The following CFAP299 variants were observed in gnomAD, a reference collection of about 807,000 sequenced individuals.
CFAP299 encodes the protein cilia and flagella associated protein 299.
CFAP299 carries 21 observed loss-of-function variants against 27.0 expected under a neutral mutation model. The observed-to-expected ratio is 0.78, with a 90% CI of 0.55 to 1.12. The LOEUF (loss-of-function observed/expected upper bound fraction) is 1.12. Among genes scored for constraint, CFAP299 ranks in the 50% most tolerant of loss-of-function variants. The pLI, the probability that CFAP299 is intolerant of heterozygous loss-of-function variation, is 0.00. For synonymous variants in CFAP299, 104 were observed against 98.1 expected (o/e 1.06, Z -0.36); for missense variants, 310 against 276.6 (o/e 1.12, Z -0.86).
At chr4:80,496,900 A>C (rs1319162759) in intron 2 of CFAP299, among the ~76,000 whole-genome samples, 1 of 152,140 alleles carries the variant, frequency 6.6e-6, no homozygotes, top group Non-Finnish European at 1.5e-5. Flanking sequence ...ATGTACGTGC[A>C]AGAGAGATGG....
chr4:80,489,517 C>T (rs920181270), intron 2 of CFAP299, among the ~76,000 whole-genome samples: 3 of 152,146 alleles, frequency 2.0e-5, no homozygotes, highest in Non-Finnish European at 4.4e-5. Context: ...AAAAATAGCC[C>T]TTCCTCTATC....
chr4:80,891,647 G>T (rs1033787550), intron 4 of CFAP299, among the ~76,000 whole-genome samples: 1 of 113,282 alleles, frequency 8.8e-6, no homozygotes, highest in Non-Finnish European at 1.8e-5. Context: ...GATAGCATTG[G>T]GAGATATACC....
intron 2 of CFAP299, among the ~76,000 whole-genome samples, chr4:80,409,482 CA>C (rs1320038215): frequency 6.6e-6 from 1 of 152,096 alleles, no homozygotes; most frequent in Non-Finnish European, 1.5e-5. Flanking sequence ...ATTGTTTGCT[CA>C]TAAAACACTC....
chr4:80,895,143 T>C (rs1239384280), intron 4 of CFAP299, among the ~76,000 whole-genome samples: 1 of 150,468 alleles, frequency 6.6e-6, no homozygotes, highest in Non-Finnish European at 1.5e-5. Context: ...TGAAATTTGC[T>C]CAGATAATAG....
At chr4:80,339,798 TC>T (rs1722350905) in intron 1 of CFAP299, among the ~76,000 whole-genome samples, 1 of 152,222 alleles carries the variant, frequency 6.6e-6, no homozygotes, top group African/African-American at 2.4e-5. Flanking sequence ...TAGTAATTCT[TC>T]TATTTAAATA....
At chr4:80,712,998 G>A (rs1722262139) in intron 3 of CFAP299, among the ~76,000 whole-genome samples, 1 of 152,054 alleles carries the variant, frequency 6.6e-6, no homozygotes, top group African/African-American at 2.4e-5. Flanking sequence ...GTCAAGCAGT[G>A]TGCTGGGTGC....
intron 2 of CFAP299, among the ~76,000 whole-genome samples, chr4:80,450,142 A>T (rs1262411167): frequency 1.3e-5 from 2 of 152,192 alleles, no homozygotes; most frequent in Non-Finnish European, 1.5e-5. Context: ...TCAGTGGAGG[A>T]TTAATGACTA....
intron 2 of CFAP299, among the ~76,000 whole-genome samples, chr4:80,410,571 C>A (rs1445609902): frequency 6.6e-6 from 1 of 152,058 alleles, no homozygotes. Flanking sequence ...TGACTAGATC[C>A]GGGAAGAGAA....
chr4:80,398,288 G>A (rs912771710), intron 2 of CFAP299, among the ~76,000 whole-genome samples: 30 of 152,010 alleles, frequency 2.0e-4, no homozygotes, highest in Non-Finnish European at 3.8e-4. Context: ...ATTCAATGCT[G>A]TCCCCATCAA....
At chr4:80,696,103 C>T (rs1388480844) in intron 3 of CFAP299, among the ~76,000 whole-genome samples, 1 of 151,886 alleles carries the variant, frequency 6.6e-6, no homozygotes, top group African/African-American at 2.4e-5. Flanking sequence ...CATTTGAGAC[C>T]AGCCTGGCTA....
intron 4 of CFAP299, among the ~76,000 whole-genome samples, chr4:80,944,166 A>G (rs980696338): frequency 1.3e-5 from 2 of 152,192 alleles, no homozygotes; most frequent in East Asian, 3.8e-4. Context: ...TGAAACATAC[A>G]AATTTGGATT....
chr4:80,410,642 TC>T (rs1171150388), intron 2 of CFAP299, among the ~76,000 whole-genome samples: 1 of 152,218 alleles, frequency 6.6e-6, no homozygotes, highest in Non-Finnish European at 1.5e-5. Flanking sequence ...CTCTAAACTT[TC>T]TGAATCAGCA....
chr4:80,676,121 A>C (rs376301889), intron 3 of CFAP299, among the ~76,000 whole-genome samples: 12 of 152,304 alleles, frequency 7.9e-5, no homozygotes, highest in African/African-American at 2.9e-4. Flanking sequence ...TTCTGCATCA[A>C]TCACACTGGG....
intron 2 of CFAP299, among the ~76,000 whole-genome samples, chr4:80,484,888 A>T (rs568594875): frequency 1.3e-5 from 2 of 152,338 alleles, no homozygotes; most frequent in East Asian, 3.9e-4. Flanking sequence ...GAAATGCCCC[A>T]GATGATGAGA....
rs1245985366 is a variant in CFAP299, at chr4:80,800,530, T to TAA, written c.334-69463_334-69462insAA. Among the ~76,000 whole-genome samples the TAA allele has an allele frequency of 2.3e-3, 31 of 13,246 alleles. 2 individuals are homozygous for TAA. Among genetic ancestry groups the TAA allele is most frequent in the Admixed American group, 6.0e-3 (4 of 664 alleles). 8.7% of individuals were successfully genotyped at this position (13,246 alleles called of 152,430 possible). A position where few individuals can be genotyped will look rare whatever the true frequency, so the allele number is the denominator to read the frequency against. ...TATATAATATATAATATATAATATA[T>TAA]TATATAATATATAATATATCAATAT... is the stretch of plus-strand genomic sequence containing the variant. On this transcript the variant is annotated intron_variant, in intron 3 of 5. Coordinates refer to ENST00000358105, the MANE Select transcript of CFAP299 (RefSeq NM_152770.3).
chr4:80,753,763 A>T (rs928503018), intron 3 of CFAP299, among the ~76,000 whole-genome samples: 2 of 152,122 alleles, frequency 1.3e-5, no homozygotes, highest in Admixed American at 6.6e-5. Flanking sequence ...TGCTATGTCA[A>T]ATCTAACGAG....
At chr4:80,782,611 TTAATATATAATATATTCATATATA>T in intron 3 of CFAP299, among the ~76,000 whole-genome samples, 21 of 127,016 alleles carry the variant, frequency 1.7e-4, no homozygotes, top group African/African-American at 2.3e-4. Flanking sequence ...TATACATATA[TTAATATATAATATATTCATATATA>T]ATATACATAT....
intron 3 of CFAP299, among the ~76,000 whole-genome samples, chr4:80,708,686 AT>A (rs1721962596): frequency 6.6e-6 from 1 of 152,072 alleles, no homozygotes; most frequent in Non-Finnish European, 1.5e-5. Context: ...CACTTGGACA[AT>A]TTTCAGAGTT....
At chr4:80,851,065 G>C (rs1159444226) in intron 3 of CFAP299, among the ~76,000 whole-genome samples, 1 of 152,098 alleles carries the variant, frequency 6.6e-6, no homozygotes, top group African/African-American at 2.4e-5. Context: ...ATTACATCCA[G>C]TTAGACTGAT....
Sources: allele counts gnomAD v4.1 joint callset (sites outside exome capture counted in the v4.1 genomes callset), GRCh38; gene constraint gnomAD v4.1.1; transcripts MANE v1.5; gene names NCBI Gene and HGNC (gene_info 2026-07-23, HGNC 2026-07-21).